The following MTM1 variants were observed in gnomAD, a reference collection of about 807,000 sequenced individuals.
MTM1 encodes myotubularin.
MTM1 carries 9 observed loss-of-function variants against 52.1 expected under a neutral mutation model. The observed-to-expected ratio is 0.17, with a 90% CI of 0.10 to 0.30. The LOEUF is 0.30. Ranked by LOEUF, MTM1 falls within the 10% of genes least tolerant of loss-of-function variation. The pLI is 1.00. For missense variants in MTM1, 277 were observed against 470.7 expected, an observed-to-expected ratio of 0.59 and a Z score of 3.81; for synonymous variants, 136 against 163.8, an observed-to-expected ratio of 0.83 and a Z score of 1.29.
intron 1 of MTM1, among the ~76,000 whole-genome samples, chrX:150,592,306 G>A (rs946908441): frequency 1.8e-5 from 2 of 111,580 alleles, no homozygotes; most frequent in Admixed American, 1.9e-4. Context: ...GGCAATTAGA[G>A]CACTACGAAT....
upstream of MTM1, among the ~76,000 whole-genome samples, chrX:150,568,291 G>T (rs1348201762): frequency 8.8e-6 from 1 of 113,238 alleles, no homozygotes; most frequent in Non-Finnish European, 1.9e-5. Flanking sequence ...CTTCCCAGCC[G>T]CCTCCGCCCG....
chrX:150,595,235 C>G (rs781874546), intron 2 of MTM1, among the ~76,000 whole-genome samples: 35 of 111,340 alleles, frequency 3.1e-4, no homozygotes, highest in Non-Finnish European at 5.5e-4. Flanking sequence ...TCAAGGCAGG[C>G]AGATCACTTG....
At chrX:150,604,668 C>T (rs2039124192) in intron 4 of MTM1, among the ~76,000 whole-genome samples, 1 of 111,109 alleles carries the variant, frequency 9.0e-6, no homozygotes, top group African/African-American at 3.3e-5. Flanking sequence ...GTTGCCCTAC[C>T]CTCATCCTCG....
rs57102007 is a variant in MTM1 at position 150,590,088 on chromosome X, G to A, written c.-10-2517G>A. Among the ~76,000 whole-genome samples the A allele has an allele frequency of 0.022, 2,471 of 111,585 alleles. 68 individuals are homozygous for A. In the East Asian group the frequency reaches 0.24, roughly 11 times the overall value. ...AATAACCTACTCAAGGTCAAATGGT[G>A]AGTTGCAGAGTTGGAATTTGAATGT... On this transcript the variant is annotated intron_variant, in intron 1 of 14. Transcript: ENST00000370396.
chrX:150,618,508 A>G (rs5925394), intron 5 of MTM1, among the ~76,000 whole-genome samples: 28,996 of 108,525 alleles, frequency 0.27, 3,134 homozygotes, highest in South Asian at 0.47. Flanking sequence ...ACAAAAAATT[A>G]GCTGGGCGTG....
intron 8 of MTM1, among the ~76,000 whole-genome samples, chrX:150,643,493 A>G (rs2039881312): frequency 9.0e-6 from 1 of 111,609 alleles, no homozygotes; most frequent in South Asian, 3.7e-4. Context: ...GTTGGTATAT[A>G]TCCTTTCAGA....
intron 8 of MTM1, among the ~76,000 whole-genome samples, chrX:150,641,749 A>G (rs1174773846): frequency 9.0e-6 from 1 of 111,601 alleles, no homozygotes; most frequent in Non-Finnish European, 1.9e-5. Context: ...AGTACATGAT[A>G]CTATATGATA....
intron 1 of MTM1, among the ~76,000 whole-genome samples, chrX:150,583,119 G>A (rs1291715779): frequency 3.8e-4 from 28 of 72,804 alleles, no homozygotes; most frequent in South Asian, 6.4e-4. Context: ...TATAAATTAT[G>A]TAAATTATAT....
At chrX:150,579,152 T>C (rs1263899113) in intron 1 of MTM1, among the ~76,000 whole-genome samples, 5 of 110,460 alleles carry the variant, frequency 4.5e-5, no homozygotes, top group Non-Finnish European at 7.6e-5. Context: ...CCTCCTGGGT[T>C]CAAGCGATTC....
At chrX:150,658,575 A>T (rs1365070779) in intron 11 of MTM1, among the ~76,000 whole-genome samples, 2 of 110,470 alleles carry the variant, frequency 1.8e-5, no homozygotes, top group African/African-American at 6.7e-5. Context: ...TCTCTCAATT[A>T]AAAATAAATA....
intron 1 of MTM1, among the ~76,000 whole-genome samples, chrX:150,589,411 C>T (rs992085017): frequency 9.0e-6 from 1 of 111,587 alleles, no homozygotes; most frequent in South Asian, 3.7e-4. Context: ...CATATATATA[C>T]GGAATCAACT....
At chrX:150,653,086 T>G (rs1407623769) in intron 10 of MTM1, among the ~76,000 whole-genome samples, 5 of 111,735 alleles carry the variant, frequency 4.5e-5, no homozygotes, top group African/African-American at 1.6e-4. Context: ...TGAAAGAAAC[T>G]GTCATTGTTC....
intron 9 of MTM1, 24 bp from the exon 10 acceptor site, chrX:150,649,691 GT>G: frequency 8.5e-7 from 1 of 1,171,632 alleles, no homozygotes; most frequent in Non-Finnish European, 1.2e-6. Flanking sequence ...TCAACTGATT[GT>G]TTGTATTTCA....
chrX:150,579,985 T>C (rs2038550557), intron 1 of MTM1, among the ~76,000 whole-genome samples: 1 of 111,719 alleles, frequency 9.0e-6, no homozygotes, highest in South Asian at 3.7e-4. Context: ...GTTTTACTTC[T>C]TTTTTCCAAT....
Position 150,582,707 on chromosome X carries a change from G to A in MTM1, c.-10-9898G>A, listed in dbSNP as rs190407205. ...TGCAAGCCAAGGAATGCCAAGGATTGCAGCCACCACCAGAAGCTAGGGAGA... is the reference window on the plus strand; with the variant it reads ...TGCAAGCCAAGGAATGCCAAGGATTACAGCCACCACCAGAAGCTAGGGAGA... On this transcript the variant is annotated intron_variant, in intron 1 of 14. Coordinates refer to ENST00000370396, the MANE Select transcript of MTM1 (RefSeq NM_000252.3). Among the ~76,000 whole-genome samples, 556 of 111,152 alleles carry A rather than the reference G, an allele frequency of 5.0e-3. 4 individuals are homozygous for A. The highest frequency in any genetic ancestry group is 0.017 in the African/African-American group (535 of 30,598).
intron 3 of MTM1, among the ~76,000 whole-genome samples, chrX:150,597,611 G>A (rs1227164759): frequency 1.8e-5 from 2 of 111,355 alleles, no homozygotes; most frequent in Non-Finnish European, 3.8e-5. Flanking sequence ...AAATCATTAC[G>A]AGTCATTAAC....
chrX:150,652,680 C>T (rs868955302), intron 10 of MTM1, among the ~76,000 whole-genome samples: 23 of 94,710 alleles, frequency 2.4e-4, no homozygotes, highest in Admixed American at 2.3e-3. Flanking sequence ...CACACACACA[C>T]ACACACACAC....
chrX:150,631,667 C>CAAAAAAA (rs34042424), intron 6 of MTM1, among the ~76,000 whole-genome samples: 1 of 35,457 alleles, frequency 2.8e-5, no homozygotes, highest in Admixed American at 4.9e-4. Context: ...ACTCCATCTC[C>CAAAAAAA]AAAAAAAAAA....
At chrX:150,589,150 C>T (rs1557412381) in intron 1 of MTM1, among the ~76,000 whole-genome samples, 1 of 111,425 alleles carries the variant, frequency 9.0e-6, no homozygotes, top group African/African-American at 3.3e-5. Flanking sequence ...GGACCAGTCA[C>T]GTGCAACCTG....
Sources: allele counts gnomAD v4.1 joint callset (sites outside exome capture counted in the v4.1 genomes callset), GRCh38; gene constraint gnomAD v4.1.1; transcripts MANE v1.5; gene names NCBI Gene and HGNC (gene_info 2026-07-23, HGNC 2026-07-21).